The following ANAPC2 variants were observed in gnomAD, a reference collection of about 807,000 sequenced individuals.
ANAPC2 encodes the protein anaphase-promoting complex subunit 2.
ANAPC2 carries 29 observed loss-of-function variants against 84.3 expected under a neutral mutation model. The ratio of observed to expected loss-of-function variants is 0.34; its 90% CI spans 0.26 to 0.47. The LOEUF (loss-of-function observed/expected upper bound fraction) is 0.47, where lower values mean the gene tolerates loss of function less well. ANAPC2 is among the 20% of genes least tolerant of loss of function. ANAPC2 has a pLI of 1.00. For missense variants in ANAPC2, 857 were observed against 1,131.7 expected (o/e 0.76, Z 3.48); for synonymous variants, 571 against 479.4 (o/e 1.19, Z -2.50).
In ANAPC2 at chr9:137,181,734, T is replaced by A. The variant is rs1185068402; in HGVS notation, c.1415A>T (p.Asp472Val). 34 of 1,612,234 alleles carry A rather than the reference T, an allele frequency of 2.1e-5. No individual in the cohort carries two copies. Among genetic ancestry groups the A allele is most frequent in the Non-Finnish European group, 2.5e-5 (30 of 1,179,786 alleles). ...CCAGTCCTCTGGCTCGCCTGAGTCATCCTCACTGTCCTGGCCTGTCTCCAG... is the reference window on the plus strand; with the variant it reads ...CCAGTCCTCTGGCTCGCCTGAGTCAACCTCACTGTCCTGGCCTGTCTCCAG... The part of the protein sequence containing the change: ...ASLETGQDSE[D>V]DSGEPEDWVP... The change falls in exon 7 of 13, where the codon GAT becomes GTT. Residue 472 changes from aspartate (D) to valine (V), a missense_variant. This residue lies in a region of ANAPC2 where 425 missense variants were observed against 595.5 expected (regional missense o/e 0.71). Coordinates refer to ENST00000323927, the MANE Select transcript of ANAPC2 (RefSeq NM_013366.4).
chr9:137,178,020 C>T (rs1202738614), intron 10 of ANAPC2, among the ~76,000 whole-genome samples: 2 of 152,166 alleles, frequency 1.3e-5, no homozygotes, highest in Admixed American at 6.5e-5. Context: ...CTTTTAAGCC[C>T]GCTGGTTTGT....
At chr9:137,177,263 C>T (rs1357843051) in intron 10 of ANAPC2, among the ~76,000 whole-genome samples, 1 of 152,194 alleles carries the variant, frequency 6.6e-6, no homozygotes, top group African/African-American at 2.4e-5. Flanking sequence ...AAAGAGGATT[C>T]GCAGGCCTGG....
intron 3 of ANAPC2, 123 bp downstream of exon 3, chr9:137,186,101 A>G: frequency 3.6e-6 from 5 of 1,401,408 alleles, no homozygotes; most frequent in East Asian, 2.4e-5. Context: ...AGCTCCAGCC[A>G]CCACCCGGTC....
chr9:137,177,198 A>C (rs911788577), intron 10 of ANAPC2: 6 of 152,226 alleles, frequency 3.9e-5, no homozygotes, highest in Non-Finnish European at 8.8e-5. Flanking sequence ...GAGTGAAAGG[A>C]AGGCAGGCTC....
At chr9:137,186,514 G>A in intron 2 of ANAPC2, 158 bp from the exon 3 acceptor site, 4 of 1,120,816 alleles carry the variant, frequency 3.6e-6, no homozygotes, top group Non-Finnish European at 4.9e-6. Flanking sequence ...AGCTGTGGGG[G>A]GCGGTTGTAC....
At chr9:137,188,382 C>T in intron 1 of ANAPC2, 34 bp downstream of exon 1, 1 of 1,586,862 alleles carries the variant, frequency 6.3e-7, no homozygotes. Flanking sequence ...CCGGAAACTC[C>T]GCGCGGGGCC....
At position 137,177,455 on chromosome 9, in the gene ANAPC2, C is replaced by T. The variant is rs1028532466; in HGVS notation, c.1891-1618G>A. ...GGCGCGCACTCCAGCCTCACCTGTA[C>T]CTTGTTTAGATCTATTTACGTAGAG... On this transcript the variant is annotated intron_variant, in intron 10 of 12. Transcript: ENST00000323927. Among the ~76,000 whole-genome samples the T allele has an allele frequency of 2.6e-5, 4 of 152,138 alleles. No homozygotes were observed. In the South Asian group the frequency reaches 8.3e-4, roughly 31 times the overall value.
At chr9:137,175,204 C>T (rs776201074) in intron 12 of ANAPC2, 33 bp downstream of exon 12, 5 of 1,605,530 alleles carry the variant, frequency 3.1e-6, no homozygotes, top group South Asian at 1.1e-5. Context: ...CTCGCCCCCG[C>T]CCCCTGGCCC....
Position 137,175,305 on chromosome 9 carries a change from T to C in ANAPC2, c.2188A>G (p.Ile730Val), listed in dbSNP as rs757792195. 1.3e-5 allele frequency: 21 copies of C among 1,612,532 alleles called. No homozygotes were observed. In the East Asian group the frequency reaches 1.8e-4, roughly 14 times the overall value. ...GAGTCGCTCTCGTCGTCACTGTCAA[T>C]GAGCACCATGTTGTCCCGGTCCTGA... Reference protein sequence around the residue: ...RPQDRDNMVLIDSDDESDSGM... With the variant: ...RPQDRDNMVLVDSDDESDSGM... The change falls in exon 12 of 13, where the codon ATT (isoleucine) becomes GTT (valine). Residue 730 changes from isoleucine to valine, a missense_variant. By Grantham distance (29) the Ile-to-Val change is conservative (BLOSUM62 3). Transcript: ENST00000323927.
intron 10 of ANAPC2, among the ~76,000 whole-genome samples, chr9:137,177,488 G>A (rs935775122): frequency 4.6e-5 from 7 of 152,262 alleles, no homozygotes; most frequent in South Asian, 2.1e-4. Flanking sequence ...GAGGAATGGC[G>A]CACACTCCAG....
chr9:137,188,322 G>T, intron 1 of ANAPC2, 94 bp downstream of exon 1: 1 of 1,402,866 alleles, frequency 7.1e-7, no homozygotes, highest in Non-Finnish European at 9.7e-7. Context: ...GGCGGATGAT[G>T]GACAGAGCCG....
chr9:137,182,437 A>G (rs983358388), intron 6 of ANAPC2, among the ~76,000 whole-genome samples: 1 of 151,914 alleles, frequency 6.6e-6, no homozygotes, highest in Non-Finnish European at 1.5e-5. Context: ...TGAACCCGGG[A>G]GGCGGAGCTT....
chr9:137,184,271 GC>G (rs1160396485), intron 4 of ANAPC2, among the ~76,000 whole-genome samples: 1 of 151,458 alleles, frequency 6.6e-6, no homozygotes, highest in Non-Finnish European at 1.5e-5. Flanking sequence ...AGCAGACACG[GC>G]GAAGGCACAG....
At chr9:137,181,955 A>C (rs1588761267) in intron 6 of ANAPC2, 93 bp from the exon 7 acceptor site, 1 of 1,376,116 alleles carries the variant, frequency 7.3e-7, no homozygotes, top group Non-Finnish European at 9.8e-7. Flanking sequence ...CTAGGCCAGC[A>C]CCACCGACCC....
In ANAPC2 at chr9:137,187,698, G is replaced by A. The variant is rs1834507886; in HGVS notation, c.523C>T (p.Arg175Cys). Residue 175 changes from arginine to cysteine, a missense_variant, in exon 2 of 13, where the codon CGT becomes TGT. Transcript: ENST00000323927. The part of the protein sequence containing the change: ...TPRTFQEMIQ[R>C]LYGCFLRVYM... The stretch of plus-strand genomic sequence containing the variant: ...ACTCTCAAGAAGCACCCATACAGAC[G>A]CTGGATCATCTCTTGGAAGGTTCTG... 3.1e-6 allele frequency: 5 copies of A among 1,613,846 alleles called. No homozygotes were observed. Among genetic ancestry groups the A allele is most frequent in the Non-Finnish European group, 3.4e-6 (4 of 1,180,034 alleles).
chr9:137,177,925 G>T (rs1834259940), intron 10 of ANAPC2, among the ~76,000 whole-genome samples: 1 of 152,182 alleles, frequency 6.6e-6, no homozygotes, highest in African/African-American at 2.4e-5. Flanking sequence ...GCTGGAAGAG[G>T]GGAGGAAGCA....
chr9:137,176,076 T>TG (rs1834203474), intron 10 of ANAPC2: 7 of 454,330 alleles, frequency 1.5e-5, no homozygotes, highest in Non-Finnish European at 2.6e-5. Flanking sequence ...AGGGGCCTCC[T>TG]GACCCCCAGT....
At chr9:137,177,090 G>C (rs1354819312) in intron 10 of ANAPC2, 1 of 152,214 alleles carries the variant, frequency 6.6e-6, no homozygotes, top group Admixed American at 6.5e-5. Context: ...CTCCGGGAAA[G>C]GGCTGCGGAC....
chr9:137,183,866 G>C (rs28652983), intron 4 of ANAPC2, 75 bp from the exon 5 acceptor site: 1 of 1,568,984 alleles, frequency 6.4e-7, no homozygotes, highest in Non-Finnish European at 8.7e-7. Flanking sequence ...GAGTGTGTGC[G>C]GTGTGGGAAA....
Sources: allele counts gnomAD v4.1 joint callset (sites outside exome capture counted in the v4.1 genomes callset), GRCh38; gene constraint gnomAD v4.1.1; regional missense constraint gnomAD v4.1.1; transcripts MANE v1.5; gene names NCBI Gene and HGNC (gene_info 2026-07-23, HGNC 2026-07-21).